CTNNA3: variants seen among roughly 807,000 people sequenced by gnomAD.
The protein encoded by CTNNA3 is catenin alpha 3.
Under a neutral mutation model 95.7 loss-of-function variants are expected in CTNNA3, and 76 were observed. That is an observed-to-expected ratio of 0.79 (90% CI 0.66 to 0.96). The LOEUF is 0.96. CTNNA3 is among the 40% of genes least tolerant of loss of function. CTNNA3 has a pLI of 0.00. For missense variants in CTNNA3, 1,191 were observed against 1,089.8 expected (o/e 1.09, Z -1.31); for synonymous variants, 431 against 374.4 (o/e 1.15, Z -1.74).
rs962060393 is a variant in CTNNA3 at position 65,994,550 on chromosome 10, C to T, written c.2160-5753G>A. ...TTAATAAGGTTTCCTTTATATTTGA[C>T]TTAACATCATTCTCTTCCTGTCTTT... is the stretch of plus-strand genomic sequence containing the variant. On this transcript the variant is annotated intron_variant, in intron 15 of 17. Transcript: ENST00000433211. Among the ~76,000 whole-genome samples, 13 of 152,026 alleles carry T rather than the reference C, an allele frequency of 8.6e-5. No homozygotes were observed. In the East Asian group the frequency reaches 2.3e-3, roughly 27 times the overall value.
intron 5 of CTNNA3, among the ~76,000 whole-genome samples, chr10:67,283,914 A>G (rs1180507117): frequency 6.6e-6 from 1 of 152,188 alleles, no homozygotes; most frequent in African/African-American, 2.4e-5. Context: ...TCTCAGCCTA[A>G]AAATGGATAA....
At chr10:66,285,274 T>G (rs1564839211) in intron 12 of CTNNA3, among the ~76,000 whole-genome samples, 3 of 152,024 alleles carry the variant, frequency 2.0e-5, no homozygotes, top group South Asian at 4.1e-4. Context: ...TGATACATTA[T>G]GTTTTCCCCC....
At chr10:66,628,258 G>A (rs1270930389) in intron 9 of CTNNA3, among the ~76,000 whole-genome samples, 1 of 151,976 alleles carries the variant, frequency 6.6e-6, no homozygotes, top group Admixed American at 6.6e-5. Context: ...AACACATTTG[G>A]TGAATTCTAT....
At chr10:67,228,121 G>C (rs934886840) in intron 5 of CTNNA3, among the ~76,000 whole-genome samples, 2 of 152,062 alleles carry the variant, frequency 1.3e-5, no homozygotes, top group African/African-American at 2.4e-5. Context: ...CAAGGAACTA[G>C]AGAAACAAGA....
chr10:66,090,161 G>A (rs1004659086), intron 14 of CTNNA3, among the ~76,000 whole-genome samples: 6 of 151,930 alleles, frequency 3.9e-5, no homozygotes, highest in Admixed American at 6.6e-5. Flanking sequence ...TGTGGCTCAA[G>A]AGCTACCCAT....
At chr10:67,675,278 TA>T (rs530332031) in intron 1 of CTNNA3, among the ~76,000 whole-genome samples, 10 of 152,080 alleles carry the variant, frequency 6.6e-5, no homozygotes, top group African/African-American at 9.6e-5. Context: ...TAACACCATA[TA>T]AAAAAAACTA....
intron 16 of CTNNA3, among the ~76,000 whole-genome samples, chr10:65,969,489 A>G (rs1444137032): frequency 1.3e-5 from 2 of 152,192 alleles, no homozygotes; most frequent in African/African-American, 2.4e-5. Flanking sequence ...AGGAAGCTCA[A>G]TAAGATCCAA....
intron 5 of CTNNA3, among the ~76,000 whole-genome samples, chr10:67,226,447 G>A (rs1864918236): frequency 6.6e-6 from 1 of 152,142 alleles, no homozygotes; most frequent in African/African-American, 2.4e-5. Flanking sequence ...TTAAGATGAA[G>A]GAAAGAATCT....
intron 7 of CTNNA3, among the ~76,000 whole-genome samples, chr10:67,075,868 C>A (rs756123134): frequency 7.2e-5 from 11 of 152,212 alleles, no homozygotes; most frequent in Admixed American, 1.3e-4. Context: ...TCTGAGCTTT[C>A]AATCAACAAT....
rs140245544 is a variant in CTNNA3 at position 67,217,491 on chromosome 10, AC to A, written c.843+2115del. Reference sequence around the variant, plus strand: ...AGGATCTCAGAGAAATATCTTTTGGACCCCTTCCCGCCTCATGAAGAACAAC... The same window carrying A: ...AGGATCTCAGAGAAATATCTTTTGGACCCTTCCCGCCTCATGAAGAACAAC... On this transcript the variant is annotated intron_variant, in intron 6 of 17. Coordinates refer to ENST00000433211, the MANE Select transcript of CTNNA3 (RefSeq NM_013266.4). Among the ~76,000 whole-genome samples, 669 of 152,178 alleles carry A rather than the reference AC, an allele frequency of 4.4e-3. 6 individuals are homozygous for A. The highest frequency in any genetic ancestry group is 0.016 in the African/African-American group (650 of 41,518).
At chr10:67,268,751 AG>A (rs1271221821) in intron 5 of CTNNA3, among the ~76,000 whole-genome samples, 1 of 152,220 alleles carries the variant, frequency 6.6e-6, no homozygotes, top group Non-Finnish European at 1.5e-5. Context: ...TATTAACAAC[AG>A]ATTCCAGTTA....
At chr10:66,549,024 T>G (rs1016417254) in intron 10 of CTNNA3, among the ~76,000 whole-genome samples, 1 of 149,232 alleles carries the variant, frequency 6.7e-6, no homozygotes, top group African/African-American at 2.5e-5. Context: ...AGTCTTGCTC[T>G]GTTGCCCAGC....
At chr10:66,369,207 A>T (rs1163170045) in intron 12 of CTNNA3, among the ~76,000 whole-genome samples, 1 of 152,176 alleles carries the variant, frequency 6.6e-6, no homozygotes, top group Non-Finnish European at 1.5e-5. Context: ...TTGATGAAAG[A>T]GGAAGCTGTA....
intron 13 of CTNNA3, among the ~76,000 whole-genome samples, chr10:66,126,469 T>C (rs146093246): frequency 6.6e-6 from 1 of 152,322 alleles, no homozygotes; most frequent in Non-Finnish European, 1.5e-5. Flanking sequence ...CTGTCAGCTG[T>C]CACCTAAAAG....
intron 11 of CTNNA3, among the ~76,000 whole-genome samples, chr10:66,466,339 T>TATATACACAC (rs753509503): frequency 1.4e-5 from 2 of 141,770 alleles, no homozygotes; most frequent in African/African-American, 5.3e-5. Context: ...CACCCACCTA[T>TATATACACAC]ACACACACAC....
chr10:66,387,958 TG>T (rs2092906738), intron 11 of CTNNA3, among the ~76,000 whole-genome samples: 1 of 151,896 alleles, frequency 6.6e-6, no homozygotes, highest in Non-Finnish European at 1.5e-5. Context: ...GATGGAGGGC[TG>T]GGGGAGGGAT....
At position 67,539,629 on chromosome 10, in the gene CTNNA3, G is replaced by T. The variant is rs1840606000; in HGVS notation, c.333C>A (p.Asp111Glu). 1.9e-6 allele frequency: 3 copies of T among 1,613,740 alleles called. No individual in the cohort carries two copies. Among genetic ancestry groups the T allele is most frequent in the Non-Finnish European group, 2.5e-6 (3 of 1,179,764 alleles). ...LKVSAERFTD[D>E]PCFLPKREAV... ...CCTCCCTTTTTGGGAGAAAACAGGG[G>T]TCATCTGTAAATCTCTCAGCTGATA... is the stretch of plus-strand genomic sequence containing the variant. Residue 111 changes from aspartate (D) to glutamate (E), a missense_variant, in exon 4 of 18, where the codon GAC (aspartate) becomes GAA (glutamate). Asp to Glu is a conservative substitution (Grantham distance 45, BLOSUM62 2). Coordinates refer to ENST00000433211, the MANE Select transcript of CTNNA3 (RefSeq NM_013266.4).
At chr10:67,013,566 C>T (rs1852472290) in intron 7 of CTNNA3, among the ~76,000 whole-genome samples, 1 of 152,136 alleles carries the variant, frequency 6.6e-6, no homozygotes, top group Non-Finnish European at 1.5e-5. Context: ...AAACACAGTA[C>T]TCCTAAAAGC....
At chr10:66,955,641 A>G (rs1848750012) in intron 7 of CTNNA3, among the ~76,000 whole-genome samples, 2 of 152,178 alleles carry the variant, frequency 1.3e-5, no homozygotes, top group Non-Finnish European at 2.9e-5. Flanking sequence ...ACACGACTGC[A>G]TGACTTCTGG....
Sources: gnomAD v4.1 joint callset for allele counts (sites outside exome capture counted in the v4.1 genomes callset) on GRCh38, gnomAD v4.1.1 for gene constraint, MANE v1.5 for transcripts, NCBI Gene and HGNC (gene_info 2026-07-23, HGNC 2026-07-21) for gene names.